The following LRRK1 variants were observed in gnomAD, a reference collection of about 807,000 sequenced individuals.
LRRK1 encodes the protein leucine-rich repeat serine/threonine-protein kinase 1.
Under a neutral mutation model 209.1 loss-of-function variants are expected in LRRK1, and 113 were observed. That is an observed-to-expected ratio of 0.54 (90% CI 0.46 to 0.63). The LOEUF (loss-of-function observed/expected upper bound fraction) is 0.63. Among genes scored for constraint, LRRK1 ranks in the 30% least tolerant of loss-of-function variants. The probability of loss-of-function intolerance (pLI) is 0.00; values close to 1 mark genes in which losing one functional copy is unlikely to be tolerated. For missense variants in LRRK1, 2,284 were observed against 2,632.2 expected (o/e 0.87, Z 2.89); for synonymous variants, 1,144 against 1,099.7 (o/e 1.04, Z -0.80).
In LRRK1 at chr15:101,065,930, C is replaced by G. The variant is rs1441885748; in HGVS notation, c.5493C>G (p.His1831Gln). ...SEELGTQILI[H>Q]QESLTDYCSM... ...AGCTGGGCACGCAGATCCTGATCCA[C>G]CAGGAATCACTCACTGACTACTGCT... is the stretch of plus-strand genomic sequence containing the variant. Residue 1831 changes from histidine (H) to glutamine (Q), a missense_variant, in exon 32 of 34, where the codon CAC becomes CAG. Physicochemically the swap from His to Gln is conservative, Grantham distance 24 (BLOSUM62 0). Around this residue, in one of 6 missense-constraint regions of LRRK1, gnomAD observed 643 missense variants for 695.9 expected, o/e 0.92. Transcript: ENST00000388948. The G allele has an allele frequency of 1.2e-6, 2 of 1,614,030 alleles. No individual in the cohort carries two copies. Among genetic ancestry groups the G allele is most frequent in the Admixed American group, 1.7e-5 (1 of 60,008 alleles).
intron 1 of LRRK1, among the ~76,000 whole-genome samples, 189 bp from the exon 2 acceptor site, chr15:100,924,322 G>A (rs2042070048): frequency 6.6e-6 from 1 of 152,182 alleles, no homozygotes; most frequent in South Asian, 2.1e-4. Context: ...CAATACCTGA[G>A]CCCCGCATCA....
chr15:100,927,365 C>G (rs139371141), intron 2 of LRRK1, among the ~76,000 whole-genome samples: 8 of 152,336 alleles, frequency 5.3e-5, no homozygotes, highest in Non-Finnish European at 7.3e-5. Context: ...TGCATCTGAG[C>G]TTGGCACTGC....
At chr15:100,935,979 A>G (rs1470949118) in intron 2 of LRRK1, among the ~76,000 whole-genome samples, 1 of 152,220 alleles carries the variant, frequency 6.6e-6, no homozygotes, top group Non-Finnish European at 1.5e-5. Context: ...CTCCCAAGGC[A>G]TAGGCCTAGA....
At chr15:100,982,099 A>G (rs2031636232) in intron 3 of LRRK1, among the ~76,000 whole-genome samples, 2 of 150,696 alleles carry the variant, frequency 1.3e-5, no homozygotes, top group African/African-American at 4.9e-5. Context: ...TCCCACTCTC[A>G]CACACAGTAG....
At chr15:100,929,209 G>A (rs1370531357) in intron 2 of LRRK1, among the ~76,000 whole-genome samples, 1 of 152,142 alleles carries the variant, frequency 6.6e-6, no homozygotes, top group Non-Finnish European at 1.5e-5. Flanking sequence ...GAGAATACTT[G>A]GGAAGACTTC....
At chr15:100,945,699 G>A (rs1036476877) in intron 2 of LRRK1, among the ~76,000 whole-genome samples, 1 of 151,680 alleles carries the variant, frequency 6.6e-6, no homozygotes, top group African/African-American at 2.4e-5. Flanking sequence ...CACCATGTTG[G>A]CCAGGCTGGT....
chr15:100,990,631 A>G lies in LRRK1; in HGVS notation c.762+1233A>G, dbSNP rs557533929. 2.7e-5 allele frequency among the ~76,000 whole-genome samples: 4 copies of G among 150,812 alleles called. No individual in the cohort carries two copies. The South Asian group carries it at 8.4e-4, about 31-fold the overall frequency. Reference sequence around the variant, plus strand: ...ATATCTTTTCATATGTTCATGAACTATTTGCATTCCCTTTATGTGAACTGC... The same window carrying G: ...ATATCTTTTCATATGTTCATGAACTGTTTGCATTCCCTTTATGTGAACTGC... On this transcript the variant is annotated intron_variant, in intron 6 of 33. Transcript: ENST00000388948.
chr15:101,056,614 G>A (rs1306257894), intron 27 of LRRK1, among the ~76,000 whole-genome samples: 5 of 152,146 alleles, frequency 3.3e-5, no homozygotes, highest in Non-Finnish European at 7.4e-5. Context: ...CAAGCAAATG[G>A]ATGGATGGGT....
At position 101,015,394 on chromosome 15, in the gene LRRK1, C is replaced by G. The variant is rs780075028; in HGVS notation, c.1601C>G (p.Thr534Ser). The G allele has an allele frequency of 6.2e-7, 1 of 1,612,802 alleles. No homozygotes were observed. Among genetic ancestry groups the G allele is most frequent in the Non-Finnish European group, 8.5e-7 (1 of 1,179,310 alleles). ...FTTRGRQRSG[T>S]EAASVLEFPA... ...ACCAGAGGTCGCCAGCGCTCCGGGA[C>G]TGAGGCAGGTGTGTGTGGGTTGGGA... is the stretch of plus-strand genomic sequence containing the variant. The change falls in exon 12 of 34, where the codon ACT (threonine) becomes AGT (serine). Residue 534 changes from threonine (T) to serine (S), a missense_variant. Around this residue, in one of 6 missense-constraint regions of LRRK1, gnomAD observed 494 missense variants for 522.1 expected, o/e 0.95. Transcript: ENST00000388948.
rs1186240684 is a variant in LRRK1 at position 101,077,530 on chromosome 15, TG to T, written c.*8683del. On this transcript the variant is annotated 3_prime_UTR_variant, in exon 34 of 34. Transcript: ENST00000388948. Reference sequence around the variant, plus strand: ...TCTCAATTCTTAGACCTTTTATACCTGTTTTTCTCCTTTACTTATTCCGTTT... The same window carrying T: ...TCTCAATTCTTAGACCTTTTATACCTTTTTTCTCCTTTACTTATTCCGTTT... The T allele has an allele frequency of 6.6e-6, 1 of 152,228 alleles. No individual in the cohort carries two copies. Among genetic ancestry groups the T allele is most frequent in the African/African-American group, 2.4e-5 (1 of 41,448 alleles). 9.4% of individuals were successfully genotyped at this position (152,228 alleles called of 1,614,324 possible). A position where few individuals can be genotyped will look rare whatever the true frequency, so the allele number is the denominator to read the frequency against.
intron 2 of LRRK1, among the ~76,000 whole-genome samples, chr15:100,954,552 A>G (rs2042716461): frequency 6.6e-6 from 1 of 152,184 alleles, no homozygotes; most frequent in African/African-American, 2.4e-5. Flanking sequence ...TCAGTGTCAT[A>G]TAGGAAAGAT....
intron 2 of LRRK1, among the ~76,000 whole-genome samples, chr15:100,937,147 A>G (rs1596166264): frequency 6.6e-6 from 1 of 152,216 alleles, no homozygotes; most frequent in Non-Finnish European, 1.5e-5. Flanking sequence ...ATAGTTATCC[A>G]TTTAATCTAG....
chr15:101,019,216 G>T (rs2033672645), intron 12 of LRRK1, among the ~76,000 whole-genome samples: 1 of 152,136 alleles, frequency 6.6e-6, no homozygotes, highest in Admixed American at 6.5e-5. Flanking sequence ...ACTTAAAGAG[G>T]CTTCATAAAC....
chr15:100,952,610 C>CT (rs1405527869), intron 2 of LRRK1, among the ~76,000 whole-genome samples: 1 of 152,078 alleles, frequency 6.6e-6, no homozygotes, highest in African/African-American at 2.4e-5. Flanking sequence ...TTTGTGGGGC[C>CT]CTTCTCACAG....
In LRRK1 at chr15:101,025,945, C is replaced by T. The variant is rs779628170; in HGVS notation, c.2233-20C>T. The T allele has an allele frequency of 3.0e-5, 48 of 1,613,418 alleles. No homozygotes were observed. In the Admixed American group the frequency reaches 3.2e-4, roughly 11 times the overall value. ...TCCATGAACAGAGACAGTACTCAGC[C>T]GTGGGGTTCTCTGTTGCAGGCCAAG... On this transcript the variant is annotated intron_variant, in intron 16 of 33. Transcript: ENST00000388948.
chr15:101,052,223 C>T (rs756844714), intron 24 of LRRK1, among the ~76,000 whole-genome samples: 27 of 152,200 alleles, frequency 1.8e-4, no homozygotes, highest in African/African-American at 5.3e-4. Flanking sequence ...CCTCCCCATA[C>T]GGCTCCCCCT....
chr15:100,973,734 C>G, intron 2 of LRRK1, 70 bp from the exon 3 acceptor site: 5 of 1,237,260 alleles, frequency 4.0e-6, no homozygotes, highest in Non-Finnish European at 5.1e-6. Context: ...CTGCTGTGTT[C>G]CACGGTGATT....
chr15:101,051,490 A>G (rs1460612867), intron 23 of LRRK1, among the ~76,000 whole-genome samples: 1 of 152,216 alleles, frequency 6.6e-6, no homozygotes, highest in Non-Finnish European at 1.5e-5. Flanking sequence ...TCTCGGAAGC[A>G]TCCTGAACCC....
chr15:101,005,087 G>T (rs1462062145), intron 6 of LRRK1, among the ~76,000 whole-genome samples: 2 of 152,190 alleles, frequency 1.3e-5, no homozygotes, highest in Non-Finnish European at 2.9e-5. Context: ...GAGTGGAGAG[G>T]GTTGGATTGC....
Sources: allele counts gnomAD v4.1 joint callset (sites outside exome capture counted in the v4.1 genomes callset), GRCh38; gene constraint gnomAD v4.1.1; regional missense constraint gnomAD v4.1.1; transcripts MANE v1.5; gene names NCBI Gene and HGNC (gene_info 2026-07-23, HGNC 2026-07-21).